Variants in NUBPL observed in about 807,000 individuals in gnomAD.
NUBPL encodes iron-sulfur cluster transfer protein NUBPL.
NUBPL carries 31 observed loss-of-function variants against 45.7 expected under a neutral mutation model. The ratio of observed to expected loss-of-function variants is 0.68; its 90% CI spans 0.51 to 0.92. NUBPL has a LOEUF of 0.92. Ranked by LOEUF, NUBPL falls within the 40% of genes least tolerant of loss-of-function variation. The pLI is 0.00. For missense variants in NUBPL, 401 were observed against 398.7 expected (o/e 1.01, Z -0.05); for synonymous variants, 144 against 140.9 (o/e 1.02, Z -0.15).
intron 6 of NUBPL, among the ~76,000 whole-genome samples, chr14:31,730,655 A>T (rs1165959034): frequency 6.6e-6 from 1 of 151,654 alleles, no homozygotes; most frequent in Non-Finnish European, 1.5e-5. Context: ...TTTACTAGAG[A>T]CTGGGTTTCA....
At chr14:31,615,295 C>A (rs553388499) in intron 4 of NUBPL, among the ~76,000 whole-genome samples, 118 of 152,084 alleles carry the variant, frequency 7.8e-4, no homozygotes, top group African/African-American at 2.7e-3. Flanking sequence ...GTCAATTAAA[C>A]CTTTTTTATT....
intron 4 of NUBPL, among the ~76,000 whole-genome samples, chr14:31,641,143 G>T (rs890309588): frequency 1.1e-4 from 16 of 151,930 alleles, no homozygotes; most frequent in African/African-American, 3.9e-4. Context: ...GTGGAGACAG[G>T]GTTTCACCAT....
At chr14:31,732,540 C>T (rs8019333) in intron 6 of NUBPL, among the ~76,000 whole-genome samples, 44,362 of 149,798 alleles carry the variant, frequency 0.3, 7,413 homozygotes, top group South Asian at 0.41. Context: ...GCTTATTTAT[C>T]TTTAAAATTG....
At chr14:31,714,200 C>T (rs536816065) in intron 6 of NUBPL, among the ~76,000 whole-genome samples, 1 of 152,080 alleles carries the variant, frequency 6.6e-6, no homozygotes, top group Admixed American at 6.5e-5. Flanking sequence ...AGGTTTTGTT[C>T]TTCCTCTTTC....
intron 8 of NUBPL, chr14:31,843,910 C>T (rs1261373051): frequency 6.6e-6 from 1 of 152,132 alleles, no homozygotes; most frequent in African/African-American, 2.4e-5. Flanking sequence ...AGTCAATTTC[C>T]TCCAATTACA....
intron 4 of NUBPL, among the ~76,000 whole-genome samples, chr14:31,631,188 A>G (rs908750452): frequency 1.3e-5 from 2 of 152,008 alleles, no homozygotes; most frequent in African/African-American, 4.8e-5. Context: ...TGTCTAAAAC[A>G]TAGTTTTTAT....
chr14:31,648,386 G>T (rs1046267457), intron 4 of NUBPL, among the ~76,000 whole-genome samples: 1 of 152,198 alleles, frequency 6.6e-6, no homozygotes, highest in Non-Finnish European at 1.5e-5. Flanking sequence ...CCTGGAAGAA[G>T]CGCCTAGGTC....
At chr14:31,624,262 G>A (rs1040183216) in intron 4 of NUBPL, among the ~76,000 whole-genome samples, 4 of 152,186 alleles carry the variant, frequency 2.6e-5, no homozygotes, top group African/African-American at 9.7e-5. Context: ...GGATGACTAT[G>A]TAGATATATT....
At chr14:31,627,230 T>TA (rs967816375) in intron 4 of NUBPL, among the ~76,000 whole-genome samples, 4 of 151,500 alleles carry the variant, frequency 2.6e-5, no homozygotes, top group African/African-American at 7.3e-5. Flanking sequence ...CTTTACTTTT[T>TA]AAAAAAAAAC....
chr14:31,632,962 A>G (rs1277060974), intron 4 of NUBPL, among the ~76,000 whole-genome samples: 1 of 152,252 alleles, frequency 6.6e-6, no homozygotes, highest in Non-Finnish European at 1.5e-5. Context: ...AATTATTAAT[A>G]GACATGGATG....
intron 7 of NUBPL, among the ~76,000 whole-genome samples, chr14:31,824,826 G>A (rs1310575892): frequency 6.6e-6 from 1 of 151,994 alleles, no homozygotes; most frequent in Non-Finnish European, 1.5e-5. Flanking sequence ...ACAGTTTGGG[G>A]CTCTGAATTG....
chr14:31,572,924 T>A (rs1480599645), intron 3 of NUBPL, among the ~76,000 whole-genome samples: 1 of 152,186 alleles, frequency 6.6e-6, no homozygotes, highest in Non-Finnish European at 1.5e-5. Flanking sequence ...TATTTATGTA[T>A]CTAAACAAAG....
chr14:31,784,306 A>G (rs865857075), intron 6 of NUBPL, among the ~76,000 whole-genome samples: 19 of 152,174 alleles, frequency 1.2e-4, no homozygotes, highest in Middle Eastern at 3.4e-3. Context: ...TTCCTTTCCA[A>G]TTTAAGAATA....
intron 3 of NUBPL, among the ~76,000 whole-genome samples, chr14:31,579,487 A>G (rs1566425328): frequency 6.6e-6 from 1 of 152,210 alleles, no homozygotes; most frequent in Non-Finnish European, 1.5e-5. Flanking sequence ...TGATATATGC[A>G]ACAGAATAAC....
intron 4 of NUBPL, among the ~76,000 whole-genome samples, chr14:31,621,364 G>A (rs2035056793): frequency 6.6e-6 from 1 of 152,156 alleles, no homozygotes; most frequent in South Asian, 2.1e-4. Context: ...CTCGGTGTCT[G>A]CCTAAGTGGC....
At chr14:31,705,537 T>C (rs1324806599) in intron 6 of NUBPL, among the ~76,000 whole-genome samples, 1 of 152,112 alleles carries the variant, frequency 6.6e-6, no homozygotes, top group African/African-American at 2.4e-5. Context: ...AGAGTGCTGA[T>C]TGGTGCATTT....
At position 31,790,351 on chromosome 14, in the gene NUBPL, T is replaced by C. The variant is rs544156640; in HGVS notation, c.607+2478T>C. Among the ~76,000 whole-genome samples, 5 of 152,358 alleles carry C rather than the reference T, an allele frequency of 3.3e-5. No individual in the cohort carries two copies. In the East Asian group the frequency reaches 9.6e-4, roughly 29 times the overall value. ...CTAACATTTAACCAGTATATTTCCT[T>C]TTTCCTTTCCTCTGATGAAGAGTCT... On this transcript the variant is annotated intron_variant, in intron 7 of 10. Coordinates refer to ENST00000281081, the MANE Select transcript of NUBPL (RefSeq NM_025152.3).
At chr14:31,803,284 C>A (rs1200029707) in intron 7 of NUBPL, among the ~76,000 whole-genome samples, 1 of 152,136 alleles carries the variant, frequency 6.6e-6, no homozygotes, top group Non-Finnish European at 1.5e-5. Flanking sequence ...TAAATAAAAT[C>A]TTTTATTTTT....
chr14:31,632,844 G>A (rs931315081), intron 4 of NUBPL, among the ~76,000 whole-genome samples: 3 of 152,136 alleles, frequency 2.0e-5, no homozygotes, highest in African/African-American at 4.8e-5. Context: ...AGTATCCATA[G>A]GGAAAGAAGA....
Sources: gnomAD v4.1 joint callset for allele counts (sites outside exome capture counted in the v4.1 genomes callset) on GRCh38, gnomAD v4.1.1 for gene constraint, MANE v1.5 for transcripts, NCBI Gene and HGNC (gene_info 2026-07-23, HGNC 2026-07-21) for gene names.